BRINP2: variants seen among roughly 807,000 people sequenced by gnomAD.
BRINP2 encodes the protein BMP/retinoic acid inducible neural specific 2.
In BRINP2, 21 loss-of-function variants were observed where a neutral mutation model predicts 69.2. The observed-to-expected ratio is 0.30, with a 90% CI of 0.22 to 0.44. BRINP2 has a LOEUF of 0.44. BRINP2 is among the 20% of genes least tolerant of loss of function. The pLI, the probability that BRINP2 is intolerant of heterozygous loss-of-function variation, is 1.00. For missense variants in BRINP2, 877 were observed against 986.0 expected, an observed-to-expected ratio of 0.89 and a Z score of 1.48; for synonymous variants, 380 against 394.1, an observed-to-expected ratio of 0.96 and a Z score of 0.42.
Position 177,280,547 on chromosome 1 carries a change from A to C in BRINP2, c.1371A>C (p.Pro457=). Residue 457 remains proline (P), a synonymous_variant, in exon 8 of 8, where the codon CCA becomes CCC. Transcript: ENST00000361539. ...YDQSSCQGPI[P]CALGEGPACA... ...AATCTTCCTGCCAGGGCCCCATCCC[A>C]TGTGCCTTGGGCGAAGGGCCCGCGT... The C allele has an allele frequency of 6.8e-6, 11 of 1,614,162 alleles. No homozygotes were observed. The highest frequency in any genetic ancestry group is 9.3e-6 in the Non-Finnish European group (11 of 1,180,022).
At chr1:177,210,098 T>C (rs1649181436) in intron 1 of BRINP2, among the ~76,000 whole-genome samples, 1 of 152,200 alleles carries the variant, frequency 6.6e-6, no homozygotes, top group South Asian at 2.1e-4. Context: ...AAATAGCAAA[T>C]TCACTGACTT....
At chr1:177,207,624 T>C (rs1443687085) in intron 1 of BRINP2, among the ~76,000 whole-genome samples, 2 of 152,190 alleles carry the variant, frequency 1.3e-5, no homozygotes, top group African/African-American at 4.8e-5. Flanking sequence ...ATCTGGATTC[T>C]GCATCTTTCT....
intron 1 of BRINP2, among the ~76,000 whole-genome samples, chr1:177,196,316 C>T (rs1196113216): frequency 6.6e-6 from 1 of 152,154 alleles, no homozygotes; most frequent in Non-Finnish European, 1.5e-5. Flanking sequence ...GTCCAGCTAT[C>T]CATGTGGCTT....
intron 2 of BRINP2, among the ~76,000 whole-genome samples, chr1:177,246,354 C>A (rs1415525145): frequency 3.3e-5 from 5 of 152,228 alleles, no homozygotes; most frequent in African/African-American, 1.2e-4. Flanking sequence ...CACTAGTCAA[C>A]TGAGACTTGG....
At chr1:177,233,687 T>C (rs1649930865) in intron 2 of BRINP2, among the ~76,000 whole-genome samples, 1 of 152,074 alleles carries the variant, frequency 6.6e-6, no homozygotes, top group Admixed American at 6.5e-5. Context: ...TTGGATCTTC[T>C]CTGGGGCACA....
chr1:177,213,420 T>A (rs2102312490), intron 1 of BRINP2, among the ~76,000 whole-genome samples: 1 of 152,276 alleles, frequency 6.6e-6, no homozygotes, highest in Middle Eastern at 3.4e-3. Context: ...TCACCCCTTC[T>A]CCTTCCCTAA....
intron 2 of BRINP2, among the ~76,000 whole-genome samples, chr1:177,232,675 A>G (rs916977866): frequency 6.6e-6 from 1 of 152,146 alleles, no homozygotes; most frequent in African/African-American, 2.4e-5. Flanking sequence ...CCTCTGGCAA[A>G]TTTAGGACCT....
chr1:177,200,293 CAAAAAAAAAAAAA>C (rs35619503), intron 1 of BRINP2, among the ~76,000 whole-genome samples: 3 of 34,794 alleles, frequency 8.6e-5, no homozygotes, highest in Non-Finnish European at 1.7e-4. Flanking sequence ...AACTCTGTCT[CAAAAAAAAAAAAA>C]AAAAAAAAAA....
At chr1:177,210,716 A>G (rs1649197440) in intron 1 of BRINP2, among the ~76,000 whole-genome samples, 1 of 152,042 alleles carries the variant, frequency 6.6e-6, no homozygotes. Context: ...CATATAGGTG[A>G]ATCTATTTTT....
intron 1 of BRINP2, among the ~76,000 whole-genome samples, chr1:177,172,061 T>C (rs1647950271): frequency 6.6e-6 from 1 of 152,196 alleles, no homozygotes; most frequent in Non-Finnish European, 1.5e-5. Context: ...GAAAATTCAA[T>C]AGGGCTGCAT....
At chr1:177,230,198 C>T in intron 2 of BRINP2, 53 bp downstream of exon 2, 1 of 1,534,760 alleles carries the variant, frequency 6.5e-7, no homozygotes, top group Non-Finnish European at 8.8e-7. Flanking sequence ...CCAACCTGCA[C>T]AGGCCCTGCT....
At chr1:177,233,150 T>C (rs1450410957) in intron 2 of BRINP2, among the ~76,000 whole-genome samples, 1 of 152,208 alleles carries the variant, frequency 6.6e-6, no homozygotes, top group Non-Finnish European at 1.5e-5. Context: ...TGACTAGTCA[T>C]TCTAGAATAG....
In BRINP2 at chr1:177,233,206, C is replaced by T. The variant is rs1649915249; in HGVS notation, c.269+3061C>T. On this transcript the variant is annotated intron_variant, in intron 2 of 7. Transcript: ENST00000361539. ...GACCTCCAGAGATTGTTTTTCTCTT[C>T]ATTACAAGTTTGTATTCATACAGAC... Among the ~76,000 whole-genome samples the T allele has an allele frequency of 2.0e-5, 3 of 152,292 alleles. No homozygotes were observed. In the South Asian group the frequency reaches 6.2e-4, roughly 32 times the overall value.
intron 1 of BRINP2, among the ~76,000 whole-genome samples, chr1:177,172,970 C>T (rs10913294): frequency 0.15 from 23,002 of 152,160 alleles, 3,475 homozygotes; most frequent in African/African-American, 0.39. Flanking sequence ...AAGTGACTCT[C>T]TCTGACCATG....
At position 177,219,142 on chromosome 1, in the gene BRINP2, G is replaced by A. The variant is rs143786209; in HGVS notation, c.-76-10659G>A. 9.0e-4 allele frequency among the ~76,000 whole-genome samples: 137 copies of A among 152,318 alleles called. 1 individual carries two copies. Among genetic ancestry groups the A allele is most frequent in the Non-Finnish European group, 1.3e-3 (88 of 68,038 alleles). ...CAGTGAGCCTTGGACCATACTTTTAGAAATGATGCTTTGTGGTCAGCAATT... is the reference window on the plus strand; with the variant it reads ...CAGTGAGCCTTGGACCATACTTTTAAAAATGATGCTTTGTGGTCAGCAATT... On this transcript the variant is annotated intron_variant, in intron 1 of 7. Transcript: ENST00000361539.
At chr1:177,270,379 A>G (rs1204106845) in intron 4 of BRINP2, among the ~76,000 whole-genome samples, 1 of 152,140 alleles carries the variant, frequency 6.6e-6, no homozygotes, top group Non-Finnish European at 1.5e-5. Flanking sequence ...AGTTACTCAC[A>G]CCCTTTTAAT....
intron 2 of BRINP2, among the ~76,000 whole-genome samples, chr1:177,243,885 T>C (rs1650289245): frequency 6.6e-6 from 1 of 151,796 alleles, no homozygotes; most frequent in South Asian, 2.1e-4. Flanking sequence ...CATGAAGGAT[T>C]TCATGAGAGG....
At chr1:177,234,416 G>A (rs1254057536) in intron 2 of BRINP2, among the ~76,000 whole-genome samples, 1 of 152,168 alleles carries the variant, frequency 6.6e-6, no homozygotes, top group Non-Finnish European at 1.5e-5. Flanking sequence ...TTGAGCTGAT[G>A]CAAATGTAAA....
At position 177,257,390 on chromosome 1, in the gene BRINP2, G is replaced by A. The variant is rs1427358049; in HGVS notation, c.669+6G>A. On this transcript the variant is annotated splice_donor_region_variant and intron_variant, in intron 4 of 7. Transcript: ENST00000361539. ...TAGCCACGGGGGCCATCAAGGTAAT[G>A]ACCTGAGAGGTACAGGGAAGGGGAT... is the stretch of plus-strand genomic sequence containing the variant. 2 of 1,602,190 alleles carry A rather than the reference G, an allele frequency of 1.2e-6. No individual in the cohort carries two copies. Among genetic ancestry groups the A allele is most frequent in the South Asian group, 2.2e-5 (2 of 89,726 alleles).
Sources: gnomAD v4.1 joint callset for allele counts (sites outside exome capture counted in the v4.1 genomes callset) on GRCh38, gnomAD v4.1.1 for gene constraint, MANE v1.5 for transcripts, NCBI Gene and HGNC (gene_info 2026-07-23, HGNC 2026-07-21) for gene names.